Variants in RABGAP1 observed in about 807,000 individuals in gnomAD.
The protein encoded by RABGAP1 is RAB GTPase activating protein 1.
Under a neutral mutation model 137.6 loss-of-function variants are expected in RABGAP1, and 23 were observed. That is an observed-to-expected ratio of 0.17 (90% CI 0.12 to 0.24). The LOEUF (loss-of-function observed/expected upper bound fraction) is 0.24, where lower values mean the gene tolerates loss of function less well. Among genes scored for constraint, RABGAP1 ranks in the 10% least tolerant of loss-of-function variants. The pLI is 1.00. For missense variants in RABGAP1, 906 were observed against 1,275.8 expected, an observed-to-expected ratio of 0.71 and a Z score of 4.42; for synonymous variants, 451 against 450.7, an observed-to-expected ratio of 1.00 and a Z score of -0.01.
At chr9:123,015,287 T>C (rs977353216) in intron 11 of RABGAP1, among the ~76,000 whole-genome samples, 3 of 113,550 alleles carry the variant, frequency 2.6e-5, no homozygotes, top group Non-Finnish European at 5.6e-5. Flanking sequence ...ATTAAATAGC[T>C]CCTTTTTTTT....
intron 13 of RABGAP1, among the ~76,000 whole-genome samples, chr9:123,052,026 C>T (rs993284210): frequency 2.0e-5 from 3 of 149,084 alleles, no homozygotes; most frequent in African/African-American, 7.4e-5. Flanking sequence ...AGAATGGTCT[C>T]GATCTCCTCA....
intron 2 of RABGAP1, among the ~76,000 whole-genome samples, chr9:122,959,249 C>T (rs1030211566): frequency 4.1e-5 from 6 of 148,006 alleles, no homozygotes; most frequent in Non-Finnish European, 8.9e-5. Context: ...CTTGCTAGGA[C>T]AGGGGTTAGA....
intron 1 of RABGAP1, among the ~76,000 whole-genome samples, chr9:122,944,631 C>T (rs528564984): frequency 4.6e-5 from 7 of 152,000 alleles, no homozygotes; most frequent in South Asian, 2.1e-4. Flanking sequence ...AGTGCAGTGG[C>T]GTGATCTCGG....
intron 10 of RABGAP1, among the ~76,000 whole-genome samples, chr9:123,005,690 C>T (rs1273286416): frequency 6.6e-6 from 1 of 152,116 alleles, no homozygotes; most frequent in African/African-American, 2.4e-5. Flanking sequence ...GGTTTCCAGT[C>T]GTTTGCTGTT....
chr9:123,049,029 A>G (rs1368050502), intron 13 of RABGAP1, among the ~76,000 whole-genome samples: 1 of 152,252 alleles, frequency 6.6e-6, no homozygotes, highest in East Asian at 1.9e-4. Context: ...TGGCACTATA[A>G]TGCCATATTT....
intron 13 of RABGAP1, among the ~76,000 whole-genome samples, chr9:123,032,175 C>A (rs1363845104): frequency 6.6e-6 from 1 of 152,168 alleles, no homozygotes; most frequent in Non-Finnish European, 1.5e-5. Flanking sequence ...GTTGTAGGAG[C>A]AGAAAGTGAG....
At chr9:122,961,960 T>C (rs913357650) in intron 2 of RABGAP1, among the ~76,000 whole-genome samples, 1 of 151,922 alleles carries the variant, frequency 6.6e-6, no homozygotes, top group Non-Finnish European at 1.5e-5. Flanking sequence ...AATAAGAAGG[T>C]TAATATAAGA....
At chr9:122,980,534 TATTGGGAAA>T (rs1835989154) in intron 2 of RABGAP1, among the ~76,000 whole-genome samples, 1 of 152,190 alleles carries the variant, frequency 6.6e-6, no homozygotes, top group Non-Finnish European at 1.5e-5. Context: ...TTGTTTCTTT[TATTGGGAAA>T]ATCAACAGTC....
At position 123,103,449 on chromosome 9, in the gene RABGAP1, A is replaced by C; in HGVS notation, c.*236A>C. 2 of 426,752 alleles carry C rather than the reference A, an allele frequency of 4.7e-6. No homozygotes were observed. The highest frequency in any genetic ancestry group is 8.0e-6 in the Non-Finnish European group (2 of 248,908). 26.4% of individuals were successfully genotyped at this position (426,752 alleles called of 1,614,324 possible). A position where few individuals can be genotyped will look rare whatever the true frequency, so the allele number is the denominator to read the frequency against. The stretch of plus-strand genomic sequence containing the variant: ...CGACGCTCTGGACACTCTAGAAATC[A>C]CTCCTCAGTGTGACCTCCCAGGCCT... On this transcript the variant is annotated 3_prime_UTR_variant, in exon 26 of 26. Transcript: ENST00000373647.
At position 123,055,549 on chromosome 9, in the gene RABGAP1, T is replaced by C. The variant is rs112758631; in HGVS notation, c.1795-9799T>C. Among the ~76,000 whole-genome samples, 451 of 146,260 alleles carry C rather than the reference T, an allele frequency of 3.1e-3. 2 individuals are homozygous for C. The highest frequency in any genetic ancestry group is 9.6e-3 in the African/African-American group (382 of 39,656). On this transcript the variant is annotated intron_variant, in intron 13 of 25. Transcript: ENST00000373647. The stretch of plus-strand genomic sequence containing the variant: ...GCCCAGCCAGATATTTCTTCTTCTT[T>C]TTTTTTTTTTTTTTTTTGAGATGGA...
In RABGAP1 at chr9:122,977,595, A is replaced by G. The variant is rs201298299; in HGVS notation, c.151-6890A>G. On this transcript the variant is annotated intron_variant, in intron 2 of 25. Coordinates refer to ENST00000373647, the MANE Select transcript of RABGAP1 (RefSeq NM_012197.4). ...ATGGCGCATGCCTGTAATCTCAGCTACTCGGGAGGCTGAGACATGAGAATC... is the reference window on the plus strand; with the variant it reads ...ATGGCGCATGCCTGTAATCTCAGCTGCTCGGGAGGCTGAGACATGAGAATC... Among the ~76,000 whole-genome samples the G allele has an allele frequency of 2.8e-4, 42 of 152,318 alleles. No homozygotes were observed. The East Asian group carries it at 7.5e-3, about 27-fold the overall frequency.
At chr9:123,090,210 C>G in intron 20 of RABGAP1, 65 bp from the exon 21 acceptor site, 1 of 1,264,128 alleles carries the variant, frequency 7.9e-7, no homozygotes, top group Non-Finnish European at 1.1e-6. Context: ...GAGGTTTAGC[C>G]CTGAGAAATT....
At chr9:123,100,865 G>C (rs916218790) in intron 24 of RABGAP1, among the ~76,000 whole-genome samples, 1 of 152,308 alleles carries the variant, frequency 6.6e-6, no homozygotes, top group Non-Finnish European at 1.5e-5. Context: ...ATACTGTGGT[G>C]TGTATTCTTT....
intron 13 of RABGAP1, among the ~76,000 whole-genome samples, chr9:123,060,876 A>C (rs1197933808): frequency 6.6e-6 from 1 of 152,226 alleles, no homozygotes. Context: ...AAAAAGTACA[A>C]AAGTGTTCAA....
chr9:123,005,402 A>G lies in RABGAP1; in HGVS notation c.1375-4952A>G, dbSNP rs544145224. Among the ~76,000 whole-genome samples, 43 of 152,016 alleles carry G rather than the reference A, an allele frequency of 2.8e-4. 1 individual carries two copies. In the South Asian group the frequency reaches 8.5e-3, roughly 30 times the overall value. On this transcript the variant is annotated intron_variant, in intron 10 of 25. Transcript: ENST00000373647. ...TTTGTATCTCCTTACCCCCATACCC[A>G]TAGATAACAATTATTATTGGTTTAT...
intron 10 of RABGAP1, among the ~76,000 whole-genome samples, chr9:122,999,383 G>A (rs1039026501): frequency 4.0e-5 from 6 of 151,360 alleles, no homozygotes; most frequent in African/African-American, 1.5e-4. Context: ...TAAAGACAGC[G>A]TTTCACTCTG....
At chr9:122,960,120 A>C (rs929157730) in intron 2 of RABGAP1, among the ~76,000 whole-genome samples, 4 of 152,210 alleles carry the variant, frequency 2.6e-5, no homozygotes, top group Non-Finnish European at 5.9e-5. Flanking sequence ...TGGTAGATTG[A>C]TGGGACATTT....
rs559170448 is a variant in RABGAP1 at position 123,075,984 on chromosome 9, G to A, written c.2254-261G>A. 3.9e-5 allele frequency among the ~76,000 whole-genome samples: 6 copies of A among 152,282 alleles called. No homozygotes were observed. In the South Asian group the frequency reaches 1.2e-3, roughly 32 times the overall value. On this transcript the variant is annotated intron_variant, in intron 17 of 25. Transcript: ENST00000373647. ...GACTGATCTTTTGGTTTGGAAGCATGGAATGCTTTGGAAAAGCATTTCTTA... is the reference window on the plus strand; with the variant it reads ...GACTGATCTTTTGGTTTGGAAGCATAGAATGCTTTGGAAAAGCATTTCTTA...
At chr9:123,029,046 G>A (rs185387902) in intron 13 of RABGAP1, among the ~76,000 whole-genome samples, 9 of 152,206 alleles carry the variant, frequency 5.9e-5, no homozygotes, top group African/African-American at 4.8e-5. Context: ...TAATTGCAGC[G>A]AGACCCGTTA....
Sources: allele counts gnomAD v4.1 joint callset (sites outside exome capture counted in the v4.1 genomes callset), GRCh38; gene constraint gnomAD v4.1.1; transcripts MANE v1.5; gene names NCBI Gene and HGNC (gene_info 2026-07-23, HGNC 2026-07-21).